ENPP7: variants seen among roughly 807,000 people sequenced by gnomAD.
The protein encoded by ENPP7 is ectonucleotide pyrophosphatase/phosphodiesterase family member 7.
Under a neutral mutation model 33.6 loss-of-function variants are expected in ENPP7, and 39 were observed. The observed-to-expected ratio is 1.16, with a 90% CI of 0.90 to 1.52. ENPP7 has a LOEUF of 1.52. Among genes scored for constraint, ENPP7 ranks in the 40% most tolerant of loss-of-function variants. The pLI is 0.00. For missense variants in ENPP7, 594 were observed against 641.0 expected, an observed-to-expected ratio of 0.93 and a Z score of 0.79; for synonymous variants, 244 against 274.3, an observed-to-expected ratio of 0.89 and a Z score of 1.09.
intron 1 of ENPP7, among the ~76,000 whole-genome samples, chr17:79,732,902 G>A (rs1463498566): frequency 6.6e-6 from 1 of 152,184 alleles, no homozygotes; most frequent in African/African-American, 2.4e-5. Flanking sequence ...ACCGCAAACG[G>A]AGGTGTGCGG....
Position 79,738,208 on chromosome 17 carries a change from GA to G in ENPP7, c.*16+147del, listed in dbSNP as rs2094299543. ...GACTCCCACTGACCTGGCTGCCCCAGAGAGGCCATCACCCCTGAGATCCCGA... is the reference window on the plus strand; with the variant it reads ...GACTCCCACTGACCTGGCTGCCCCAGGAGGCCATCACCCCTGAGATCCCGA... On this transcript the variant is annotated intron_variant, in intron 5 of 5. Coordinates refer to ENST00000328313, the MANE Select transcript of ENPP7 (RefSeq NM_178543.5). This position sits in a 1 kb window ranked among gnomAD's most constrained non-coding sequence, Gnocchi z 6.2. 1 of 749,848 alleles carries G rather than the reference GA, an allele frequency of 1.3e-6. No homozygotes were observed. Among genetic ancestry groups the G allele is most frequent in the Admixed American group, 2.6e-5 (1 of 39,040 alleles). The allele number at this position is 749,848 out of a possible 1,614,324, so 46.4% of individuals were successfully genotyped here.
At chr17:79,733,367 C>T (rs1363755208) in intron 1 of ENPP7, 141 bp from the exon 2 acceptor site, 4 of 831,158 alleles carry the variant, frequency 4.8e-6, no homozygotes, top group Non-Finnish European at 7.9e-6. Flanking sequence ...TCTGCTCCCC[C>T]CAGCCCTGCC....
chr17:79,732,155 C>CATATATAT (rs1234522983), intron 1 of ENPP7, among the ~76,000 whole-genome samples: 5 of 56,532 alleles, frequency 8.8e-5, no homozygotes, highest in African/African-American at 2.1e-4. Context: ...TATATACACA[C>CATATATAT]ACATATATAT....
intron 1 of ENPP7, among the ~76,000 whole-genome samples, chr17:79,732,407 G>T (rs1166958366): frequency 6.6e-6 from 1 of 152,034 alleles, no homozygotes. Flanking sequence ...CAAAGACCCT[G>T]CGTGGGTGTC....
In ENPP7 at chr17:79,737,453, G is replaced by A. The variant is rs1432417775; in HGVS notation, c.1246+193G>A. On this transcript the variant is annotated intron_variant, in intron 4 of 5. Transcript: ENST00000328313. The surrounding 1 kb of genome is among the most constrained non-coding windows in gnomAD (Gnocchi z 5.5). ...CACGAGCACCTCATGCATCTCGGGC[G>A]GCACGAGAGGGCGAGGGGGAGGAGT... is the stretch of plus-strand genomic sequence containing the variant. Among the ~76,000 whole-genome samples, 3 of 152,346 alleles carry A rather than the reference G, an allele frequency of 2.0e-5. No homozygotes were observed. Among genetic ancestry groups the A allele is most frequent in the East Asian group, 3.9e-4 (2 of 5,178 alleles).
At chr17:79,732,158 A>ATATATATATG (rs2094287857) in intron 1 of ENPP7, among the ~76,000 whole-genome samples, 2 of 108,288 alleles carry the variant, frequency 1.8e-5, no homozygotes, top group African/African-American at 3.1e-5. Context: ...ATACACACAC[A>ATATATATATG]TATATATATA....
chr17:79,731,476 G>A (rs2094285408), intron 1 of ENPP7, 84 bp downstream of exon 1: 25 of 1,472,600 alleles, frequency 1.7e-5, no homozygotes, highest in Non-Finnish European at 2.1e-5. Context: ...CAGGATAAAG[G>A]GGAGAGGTCC....
rs1396940210 is a variant in ENPP7 at position 79,731,010 on chromosome 17, C to T, written c.-130C>T. ...GGGAGCCCACTCCCGAGGTTCGACC[C>T]GGGGATGTGCACAGCCACATTCCAA... On this transcript the variant is annotated 5_prime_UTR_variant, in exon 1 of 6. Transcript: ENST00000328313. 1.6e-5 allele frequency: 17 copies of T among 1,063,236 alleles called. No homozygotes were observed. Among genetic ancestry groups the T allele is most frequent in the Non-Finnish European group, 2.0e-5 (15 of 758,710 alleles). The allele number at this position is 1,063,236 out of a possible 1,614,324, so 65.9% of individuals were successfully genotyped here. A position where few individuals can be genotyped will look rare whatever the true frequency, so the allele number is the denominator to read the frequency against.
rs537957541 is a variant in ENPP7, at chr17:79,735,001, C to G, written c.400-42C>G. 13 of 1,592,512 alleles carry G rather than the reference C, an allele frequency of 8.2e-6. No individual in the cohort carries two copies. The highest frequency in any genetic ancestry group is 8.0e-5 in the African/African-American group (6 of 74,732). ...TTCACAGGCATGAGACAAGGGGCAG[C>G]CCACTGAGGAGTCCTGTCTTTCACG... On this transcript the variant is annotated intron_variant, in intron 2 of 5. Transcript: ENST00000328313. The surrounding 1 kb of genome is among the most constrained non-coding windows in gnomAD (Gnocchi z 5.5).
intron 3 of ENPP7, among the ~76,000 whole-genome samples, chr17:79,736,582 A>G (rs1285514608): frequency 1.4e-5 from 2 of 146,318 alleles, no homozygotes; most frequent in Non-Finnish European, 3.0e-5. Context: ...TGTGCGTCCT[A>G]CGTGTCCAGG....
Position 79,742,113 on chromosome 17 carries a change from G to A in ENPP7, c.*336G>A. ...CGTCTGCAGCCACGCGGGGGCGCGC[G>A]GGAGCTCTGCGGGCGCTGGAACCTG... On this transcript the variant is annotated 3_prime_UTR_variant, in exon 6 of 6. Coordinates refer to ENST00000328313, the MANE Select transcript of ENPP7 (RefSeq NM_178543.5). 8.3e-6 allele frequency: 2 copies of A among 241,706 alleles called. No individual in the cohort carries two copies. Among genetic ancestry groups the A allele is most frequent in the Non-Finnish European group, 6.7e-6 (1 of 149,810 alleles). The allele number at this position is 241,706 out of a possible 1,614,324, so 15.0% of individuals were successfully genotyped here.
rs28696051 is a variant in ENPP7, at chr17:79,740,198, C to T, written c.*17-1596C>T. ...GGGCAAGAGTGAGACCTTGTCTCTACAAAATAAATCAATGAAAGAGAAAGG... is the reference window on the plus strand; with the variant it reads ...GGGCAAGAGTGAGACCTTGTCTCTATAAAATAAATCAATGAAAGAGAAAGG... On this transcript the variant is annotated intron_variant, in intron 5 of 5. Transcript: ENST00000328313. 3.3e-3 allele frequency among the ~76,000 whole-genome samples: 507 copies of T among 152,066 alleles called. 2 individuals carry two copies. Among genetic ancestry groups the T allele is most frequent in the African/African-American group, 0.012 (488 of 41,468 alleles).
Position 79,735,730 on chromosome 17 carries a change from T to C in ENPP7, c.1026+61T>C, listed in dbSNP as rs2094294578. 2 of 1,083,234 alleles carry C rather than the reference T, an allele frequency of 1.8e-6. No individual in the cohort carries two copies. Among genetic ancestry groups the C allele is most frequent in the Non-Finnish European group, 2.5e-6 (2 of 814,090 alleles). The allele number at this position is 1,083,234 out of a possible 1,614,324, so 67.1% of individuals were successfully genotyped here. A position where few individuals can be genotyped will look rare whatever the true frequency, so the allele number is the denominator to read the frequency against. On this transcript the variant is annotated intron_variant, in intron 3 of 5. Transcript: ENST00000328313. This position sits in a 1 kb window ranked among gnomAD's most constrained non-coding sequence, Gnocchi z 5.5. ...TCCCTCCCCAGGCTCTGGGTCTTCT[T>C]TTTTTTTTTTTGAGACCAGGGTCTT...
intron 5 of ENPP7, among the ~76,000 whole-genome samples, chr17:79,740,173 G>A (rs1195783435): frequency 1.3e-5 from 2 of 152,186 alleles, no homozygotes; most frequent in African/African-American, 4.8e-5. Context: ...ACTCCACCAT[G>A]GGCAAGAGTG....
In ENPP7 at chr17:79,735,707, C is replaced by T; in HGVS notation, c.1026+38C>T. Reference sequence around the variant, plus strand: ...CTGGAGGCACCACCTCCAGGGGCTCCCTCCCCAGGCTCTGGGTCTTCTTTT... The same window carrying T: ...CTGGAGGCACCACCTCCAGGGGCTCTCTCCCCAGGCTCTGGGTCTTCTTTT... On this transcript the variant is annotated intron_variant, in intron 3 of 5. Coordinates refer to ENST00000328313, the MANE Select transcript of ENPP7 (RefSeq NM_178543.5). The surrounding 1 kb of genome is among the most constrained non-coding windows in gnomAD (Gnocchi z 5.5). 1 of 1,556,048 alleles carries T rather than the reference C, an allele frequency of 6.4e-7. No individual in the cohort carries two copies. The highest frequency in any genetic ancestry group is 8.7e-7 in the Non-Finnish European group (1 of 1,152,860).
At position 79,738,088 on chromosome 17, in the gene ENPP7, G is replaced by A; in HGVS notation, c.*16+26G>A. 6.3e-7 allele frequency: 1 copy of A among 1,597,974 alleles called. No individual in the cohort carries two copies. The highest frequency in any genetic ancestry group is 8.5e-7 in the Non-Finnish European group (1 of 1,176,664). ...GTCAGAGACCCAGAAGGCAGAGGCG[G>A]GAGGGTGGCCCCACGCTCCCTGACC... is the stretch of plus-strand genomic sequence containing the variant. On this transcript the variant is annotated intron_variant, in intron 5 of 5. Coordinates refer to ENST00000328313, the MANE Select transcript of ENPP7 (RefSeq NM_178543.5). This position sits in a 1 kb window ranked among gnomAD's most constrained non-coding sequence, Gnocchi z 6.2.
rs1555824669 is a variant in ENPP7 at position 79,741,748 on chromosome 17, CCCCAT to C, written c.*17-43_*17-39del. The stretch of plus-strand genomic sequence containing the variant: ...TCCCACCAGACCTGCCCTCAGCCTG[CCCCAT>C]CCTCTCCTCCCAGACCAACGCGTGC... On this transcript the variant is annotated intron_variant, in intron 5 of 5. Transcript: ENST00000328313. 3.1e-6 allele frequency: 3 copies of C among 980,816 alleles called. No homozygotes were observed. In the African/African-American group the frequency reaches 5.3e-5, roughly 17 times the overall value. The allele number at this position is 980,816 out of a possible 1,614,324, so 60.8% of individuals were successfully genotyped here.
Position 79,735,614 on chromosome 17 carries a change from AC to A in ENPP7, c.975del (p.Arg326GlyfsTer6), listed in dbSNP as rs782421874. 6.3e-5 allele frequency: 102 copies of A among 1,613,204 alleles called. No individual in the cohort carries two copies. Among genetic ancestry groups the A allele is most frequent in the Non-Finnish European group, 1.2e-5 (14 of 1,179,924 alleles). ...AFPEAFHYAN[N>X]PRVTPLLMYS... Reference sequence around the variant, plus strand: ...CCCGAGGCCTTCCACTACGCCAACAACCCCAGGGTCACACCCCTGCTGATGT... The same window carrying A: ...CCCGAGGCCTTCCACTACGCCAACAACCCAGGGTCACACCCCTGCTGATGT... On this transcript the variant is annotated frameshift_variant, in exon 3 of 6. Coordinates refer to ENST00000328313, the MANE Select transcript of ENPP7 (RefSeq NM_178543.5). LOFTEE classifies it high-confidence loss of function. The surrounding 1 kb of genome is among the most constrained non-coding windows in gnomAD (Gnocchi z 5.5).
intron 1 of ENPP7, among the ~76,000 whole-genome samples, chr17:79,732,151 C>CATATATATATGTATATATATATATAT (rs2094287721): frequency 0.083 from 2,143 of 25,682 alleles, 79 homozygotes; most frequent in African/African-American, 0.17. Flanking sequence ...TATATATATA[C>CATATATATATGTATATATATATATAT]ACACACATAT....
Sources: gnomAD v4.1 joint callset for allele counts (sites outside exome capture counted in the v4.1 genomes callset) on GRCh38, gnomAD v4.1.1 for gene constraint, Gnocchi (gnomAD v3.1) non-coding constraint, MANE v1.5 for transcripts, NCBI Gene and HGNC (gene_info 2026-07-23, HGNC 2026-07-21) for gene names.